ASXL1: variants seen among roughly 807,000 people sequenced by gnomAD.
ASXL1 encodes the protein polycomb group protein ASXL1.
A neutral mutation model predicts 89.1 loss-of-function variants in ASXL1; 65 were observed. The ratio of observed to expected loss-of-function variants is 0.73; its 90% CI spans 0.60 to 0.90. The LOEUF (loss-of-function observed/expected upper bound fraction) is 0.90. Among genes scored for constraint, ASXL1 ranks in the 40% least tolerant of loss-of-function variants. ASXL1 has a pLI of 0.00. For missense variants in ASXL1, 1,786 were observed against 1,942.9 expected, an observed-to-expected ratio of 0.92 and a Z score of 1.52; for synonymous variants, 739 against 746.9, an observed-to-expected ratio of 0.99 and a Z score of 0.17.
rs2145375901 is a variant in ASXL1, at chr20:32,435,683, G to A, written c.2971G>A (p.Ala991Thr). The A allele has an allele frequency of 6.2e-7, 1 of 1,614,180 alleles. No individual in the cohort carries two copies. The highest frequency in any genetic ancestry group is 8.5e-7 in the Non-Finnish European group (1 of 1,180,026). Residue 991 changes from alanine to threonine, a missense_variant, in exon 13 of 13, where the codon GCA becomes ACA. Around this residue, in one of 3 missense-constraint regions of ASXL1, gnomAD observed 1,418 missense variants for 1,427.8 expected, o/e 0.99. Coordinates refer to ENST00000375687, the MANE Select transcript of ASXL1 (RefSeq NM_015338.6). The part of the protein sequence containing the change: ...EKLKINGDSE[A>T]LSPHGESTDT... ...GCTGAAAATCAACGGAGACTCTGAA[G>A]CACTGAGTCCTCACGGTGAGTCCAC... is the stretch of plus-strand genomic sequence containing the variant.
At chr20:32,358,943 CG>C in intron 1 of ASXL1, 111 bp downstream of exon 1, 1 of 1,145,486 alleles carries the variant, frequency 8.7e-7, no homozygotes, top group Non-Finnish European at 1.2e-6. Context: ...CGGGAGGGGG[CG>C]GGGCCATCTT....
Position 32,429,509 on chromosome 20 carries a change from C to G in ASXL1, c.565+78C>G. Reference sequence around the variant, plus strand: ...GCCTCCCTCTGTCAGCAGTTTCTGACCTAATAGTGCGATACTAGGAGAGCT... The same window carrying G: ...GCCTCCCTCTGTCAGCAGTTTCTGAGCTAATAGTGCGATACTAGGAGAGCT... On this transcript the variant is annotated intron_variant, in intron 7 of 12. Transcript: ENST00000375687. The surrounding 1 kb of genome is among the most constrained non-coding windows in gnomAD (Gnocchi z 4.9). The G allele has an allele frequency of 7.0e-7, 1 of 1,425,112 alleles. No homozygotes were observed. Among genetic ancestry groups the G allele is most frequent in the African/African-American group, 1.4e-5 (1 of 70,988 alleles). 88.3% of individuals were successfully genotyped at this position (1,425,112 alleles called of 1,614,324 possible).
At chr20:32,358,869 G>A in intron 1 of ASXL1, 37 bp downstream of exon 1, 4 of 1,470,252 alleles carry the variant, frequency 2.7e-6, no homozygotes, top group Non-Finnish European at 3.6e-6. Flanking sequence ...CGTGGGGCCC[G>A]GGGTGGGGGG....
chr20:32,428,470 A>G (rs369042214), intron 6 of ASXL1, 48 bp downstream of exon 6: 17 of 1,499,946 alleles, frequency 1.1e-5, no homozygotes, highest in Admixed American at 6.7e-5. Context: ...GATGACAGGT[A>G]TAAGGCAAGA....
Position 32,429,865 on chromosome 20 carries a change from G to T in ASXL1, c.566-36G>T, listed in dbSNP as rs933624028. 11 of 1,603,390 alleles carry T rather than the reference G, an allele frequency of 6.9e-6. No homozygotes were observed. The highest frequency in any genetic ancestry group is 8.5e-6 in the Non-Finnish European group (10 of 1,178,304). ...GTCTGAGAGCCATGGGCGCGGCTTG[G>T]TGATACTTTTGACCAGTGGAATGCT... is the stretch of plus-strand genomic sequence containing the variant. On this transcript the variant is annotated intron_variant, in intron 7 of 12. Transcript: ENST00000375687. The surrounding 1 kb of genome is among the most constrained non-coding windows in gnomAD (Gnocchi z 4.9).
intron 3 of ASXL1, among the ~76,000 whole-genome samples, chr20:32,368,743 A>G (rs1197536184): frequency 6.6e-6 from 1 of 152,196 alleles, no homozygotes. Context: ...AATTTCTTGG[A>G]AATTTGATTT....
Position 32,429,673 on chromosome 20 carries a change from T to C in ASXL1, c.566-228T>C. On this transcript the variant is annotated intron_variant, in intron 7 of 12. Coordinates refer to ENST00000375687, the MANE Select transcript of ASXL1 (RefSeq NM_015338.6). The surrounding 1 kb of genome is among the most constrained non-coding windows in gnomAD (Gnocchi z 4.9). ...GGAGGATTTGATTATGCCAGTGCTT[T>C]GTAAAAGGTGTAGTGCTATACAAAT... is the stretch of plus-strand genomic sequence containing the variant. The C allele has an allele frequency of 1.4e-6, 1 of 707,456 alleles. No homozygotes were observed. The highest frequency in any genetic ancestry group is 1.9e-5 in the South Asian group (1 of 53,738). 43.8% of individuals were successfully genotyped at this position (707,456 alleles called of 1,614,324 possible). A position where few individuals can be genotyped will look rare whatever the true frequency, so the allele number is the denominator to read the frequency against.
At chr20:32,399,745 CTCTTTTTTT>C (rs1344801997) in intron 4 of ASXL1, among the ~76,000 whole-genome samples, 1,356 of 66,590 alleles carry the variant, frequency 0.02, 21 homozygotes, top group African/African-American at 0.074. Flanking sequence ...ACATATTTTA[CTCTTTTTTT>C]TTTTTTTTTT....
intron 12 of ASXL1, 197 bp from the exon 13 acceptor site, chr20:32,434,235 A>C: frequency 1.3e-6 from 1 of 750,034 alleles, no homozygotes; most frequent in Non-Finnish European, 2.2e-6. Flanking sequence ...AGTGTGGCAT[A>C]TAACAGCCCT....
rs2011830516 is a variant in ASXL1 at position 32,435,983 on chromosome 20, G to A, written c.3271G>A (p.Ala1091Thr). The change falls in exon 13 of 13, where the codon GCC (alanine) becomes ACC (threonine). Residue 1091 changes from alanine to threonine, a missense_variant. By Grantham distance (58) the Ala-to-Thr change is moderately conservative (BLOSUM62 0). This residue lies in a region of ASXL1 where 1,418 missense variants were observed against 1,427.8 expected (regional missense o/e 0.99). Coordinates refer to ENST00000375687, the MANE Select transcript of ASXL1 (RefSeq NM_015338.6). ...LLASTEYQPR[A>T]VCLSMPGSSV... is the part of the protein sequence containing the mutation. ...GGCCAGTACTGAGTACCAGCCAAGA[G>A]CCGTGTGCCTGTCCATGCCTGGGTC... 6.2e-7 allele frequency: 1 copy of A among 1,614,182 alleles called. No individual in the cohort carries two copies. Among genetic ancestry groups the A allele is most frequent in the Admixed American group, 1.7e-5 (1 of 60,032 alleles).
At chr20:32,428,730 C>A (rs557351070) in intron 6 of ASXL1, 264 of 320,438 alleles carry the variant, frequency 8.2e-4, no homozygotes, top group Non-Finnish European at 1.4e-3. Flanking sequence ...GCATGATCTC[C>A]GCTTACTGCA....
intron 4 of ASXL1, among the ~76,000 whole-genome samples, chr20:32,401,550 TC>T (rs71187117): frequency 9.2e-5 from 12 of 129,982 alleles, no homozygotes; most frequent in African/African-American, 3.4e-4. Flanking sequence ...GTGTGTTTTT[TC>T]CCCCCCCCCC....
chr20:32,398,603 G>GTTTTTTTTTTTTGTTTTTTTTTTTTTGTT (rs375341392), intron 4 of ASXL1, among the ~76,000 whole-genome samples: 1 of 126,450 alleles, frequency 7.9e-6, no homozygotes, highest in African/African-American at 3.2e-5. Flanking sequence ...TTTTTTGTTT[G>GTTTTTTTTTTTTGTTTTTTTTTTTTTGTT]TTTTTTTTTT....
At chr20:32,419,402 T>C (rs1029841692) in intron 4 of ASXL1, among the ~76,000 whole-genome samples, 44 of 151,664 alleles carry the variant, frequency 2.9e-4, no homozygotes, top group African/African-American at 1.1e-3. Flanking sequence ...GGGGGTCTCC[T>C]TACGTTGCTC....
At chr20:32,401,952 A>AAGTTATGTGAAT (rs1241235947) in intron 4 of ASXL1, among the ~76,000 whole-genome samples, 3 of 152,170 alleles carry the variant, frequency 2.0e-5, no homozygotes, top group African/African-American at 7.2e-5. Context: ...ACTATAATAA[A>AAGTTATGTGAAT]AGTTATGTGA....
intron 4 of ASXL1, among the ~76,000 whole-genome samples, chr20:32,377,046 GATATA>G (rs1345061943): frequency 1.5e-5 from 2 of 136,382 alleles, no homozygotes; most frequent in South Asian, 2.3e-4. Flanking sequence ...ATATACAACA[GATATA>G]ATATGTCTAT....
In ASXL1 at chr20:32,366,433, A is replaced by G. The variant is rs2122811319; in HGVS notation, c.107A>G (p.Gln36Arg). The stretch of plus-strand genomic sequence containing the variant: ...CCAATGACACCAAAACAGATTCTGC[A>G]GGTCATAGAGGCAGAAGGACTAAAG... ...DAPMTPKQIL[Q>R]VIEAEGLKEM... Residue 36 changes from glutamine to arginine, a missense_variant, in exon 2 of 13, where the codon CAG (glutamine) becomes CGG (arginine). Coordinates refer to ENST00000375687, the MANE Select transcript of ASXL1 (RefSeq NM_015338.6). 1 of 1,613,970 alleles carries G rather than the reference A, an allele frequency of 6.2e-7. No homozygotes were observed. Among genetic ancestry groups the G allele is most frequent in the South Asian group, 1.1e-5 (1 of 91,080 alleles).
At position 32,399,747 on chromosome 20, in the gene ASXL1, C is replaced by CTTT. The variant is rs369127811; in HGVS notation, c.253-28352_253-28350dup. On this transcript the variant is annotated intron_variant, in intron 4 of 12. Coordinates refer to ENST00000375687, the MANE Select transcript of ASXL1 (RefSeq NM_015338.6). ...TTTTAAAAATCTCACATATTTTACT[C>CTTT]TTTTTTTTTTTTTTTTTTTTTTTTT... Among the ~76,000 whole-genome samples the CTTT allele has an allele frequency of 1.6e-4, 12 of 73,880 alleles. 1 individual carries two copies. The highest frequency in any genetic ancestry group is 6.8e-4 in the African/African-American group (10 of 14,698). 48.5% of individuals were successfully genotyped at this position (73,880 alleles called of 152,430 possible).
At chr20:32,407,233 A>G (rs956453642) in intron 4 of ASXL1, among the ~76,000 whole-genome samples, 1 of 151,848 alleles carries the variant, frequency 6.6e-6, no homozygotes, top group African/African-American at 2.4e-5. Context: ...AATTCCAGCT[A>G]CTCAGAAGGC....
Sources: gnomAD v4.1 joint callset for allele counts (sites outside exome capture counted in the v4.1 genomes callset) on GRCh38, gnomAD v4.1.1 for gene constraint, gnomAD v4.1.1 regional missense constraint, Gnocchi (gnomAD v3.1) non-coding constraint, MANE v1.5 for transcripts, NCBI Gene and HGNC (gene_info 2026-07-23, HGNC 2026-07-21) for gene names.